The following DLAT variants were observed in gnomAD, a reference collection of about 807,000 sequenced individuals.
DLAT encodes the protein dihydrolipoamide S-acetyltransferase, also known as dihydrolipoyllysine-residue acetyltransferase component of pyruvate dehydrogenase complex, mitochondrial.
Under a neutral mutation model 68.0 loss-of-function variants are expected in DLAT, and 43 were observed. That is an observed-to-expected ratio of 0.63 (90% CI 0.50 to 0.81). DLAT has a LOEUF of 0.81. DLAT is among the 40% of genes least tolerant of loss of function. The probability of loss-of-function intolerance (pLI) is 0.00; values close to 1 mark genes in which losing one functional copy is unlikely to be tolerated. For missense variants in DLAT, 745 were observed against 815.4 expected (o/e 0.91, Z 1.05); for synonymous variants, 265 against 288.6 (o/e 0.92, Z 0.83).
At chr11:112,054,198 C>T (rs145641782) in intron 11 of DLAT, among the ~76,000 whole-genome samples, 2,494 of 151,836 alleles carry the variant, frequency 0.016, 29 homozygotes, top group Non-Finnish European at 0.023. Context: ...CGCCTGTAGT[C>T]CCAGCTAATC....
At chr11:112,045,517 G>A (rs1175908002) in intron 9 of DLAT, among the ~76,000 whole-genome samples, 2 of 151,920 alleles carry the variant, frequency 1.3e-5, no homozygotes, top group African/African-American at 2.4e-5. Context: ...GAAACACCCC[G>A]TCTCTACTAA....
chr11:112,033,333 T>G, intron 4 of DLAT, 71 bp from the exon 5 acceptor site: 2 of 1,572,536 alleles, frequency 1.3e-6, no homozygotes, highest in Non-Finnish European at 1.7e-6. Context: ...TGAAACCACA[T>G]AAGTCTGCCA....
chr11:112,042,197 CT>C (rs1863085952), intron 7 of DLAT, among the ~76,000 whole-genome samples: 1 of 152,160 alleles, frequency 6.6e-6, no homozygotes, highest in South Asian at 2.1e-4. Context: ...TACCATATTG[CT>C]TTATGATGGC....
At chr11:112,057,635 T>C (rs1864179940) in intron 11 of DLAT, among the ~76,000 whole-genome samples, 1 of 152,198 alleles carries the variant, frequency 6.6e-6, no homozygotes, top group African/African-American at 2.4e-5. Flanking sequence ...TTCAATTCTT[T>C]GAAGGCTGAT....
rs781857856 is a variant in DLAT, at chr11:112,063,267, A to C, written c.*732A>C. ...ACAAATGTGTAATTTTGAGTACAGA[A>C]TTCAACAGTTACCTCCAAAAAAGAA... On this transcript the variant is annotated 3_prime_UTR_variant, in exon 14 of 14. Coordinates refer to ENST00000280346, the MANE Select transcript of DLAT (RefSeq NM_001931.5). The C allele has an allele frequency of 6.6e-6, 1 of 152,188 alleles. No homozygotes were observed. The highest frequency in any genetic ancestry group is 1.5e-5 in the Non-Finnish European group (1 of 68,020). 9.4% of individuals were successfully genotyped at this position (152,188 alleles called of 1,614,324 possible).
chr11:112,035,949 C>T (rs1477143648), intron 5 of DLAT, among the ~76,000 whole-genome samples: 2 of 29,370 alleles, frequency 6.8e-5, no homozygotes, highest in African/African-American at 1.3e-4. Context: ...TGCCACCATG[C>T]CTGGCTAATT....
In DLAT at chr11:112,063,990, G is replaced by T; in HGVS notation, c.*1455G>T. 5 of 501,086 alleles carry T rather than the reference G, an allele frequency of 1.0e-5. No homozygotes were observed. The highest frequency in any genetic ancestry group is 1.7e-5 in the Non-Finnish European group (5 of 295,060). 31.0% of individuals were successfully genotyped at this position (501,086 alleles called of 1,614,324 possible). ...TGTTTCTAAATATTCATTATTACAT[G>T]GTACACAAGTGACACTCCATATATT... On this transcript the variant is annotated 3_prime_UTR_variant, in exon 14 of 14. Transcript: ENST00000280346.
chr11:112,057,917 G>T (rs1864198772), intron 11 of DLAT, among the ~76,000 whole-genome samples: 1 of 152,144 alleles, frequency 6.6e-6, no homozygotes, highest in East Asian at 1.9e-4. Context: ...GTATACATTG[G>T]TTTTTTGTTA....
At chr11:112,043,444 G>A in intron 7 of DLAT, 22 bp from the exon 8 acceptor site, 8 of 1,607,796 alleles carry the variant, frequency 5.0e-6, no homozygotes, top group African/African-American at 1.3e-5. Context: ...CATCATGTAT[G>A]TGATATTTAT....
At chr11:112,033,732 T>G (rs1555180155) in intron 5 of DLAT, among the ~76,000 whole-genome samples, 3 of 152,254 alleles carry the variant, frequency 2.0e-5, no homozygotes, top group African/African-American at 7.2e-5. Flanking sequence ...ATTTGCTTAT[T>G]TTTCAGACAG....
rs116892694 is a variant in DLAT at position 112,045,835 on chromosome 11, T to C, written c.1291-28T>C. 8.3e-3 allele frequency: 12,118 copies of C among 1,456,566 alleles called. 65 individuals are homozygous for C. Among genetic ancestry groups the C allele is most frequent in the Middle Eastern group, 0.025 (143 of 5,730 alleles). The allele number at this position is 1,456,566 out of a possible 1,614,324, so 90.2% of individuals were successfully genotyped here. A position where few individuals can be genotyped will look rare whatever the true frequency, so the allele number is the denominator to read the frequency against. On this transcript the variant is annotated intron_variant, in intron 9 of 13. Coordinates refer to ENST00000280346, the MANE Select transcript of DLAT (RefSeq NM_001931.5). ...TAGTTAAGGTCTTAACTCAAGATAATTGATTTTTTAAATCTCTTTGGTTTC... is the reference window on the plus strand; with the variant it reads ...TAGTTAAGGTCTTAACTCAAGATAACTGATTTTTTAAATCTCTTTGGTTTC...
intron 4 of DLAT, among the ~76,000 whole-genome samples, chr11:112,032,264 T>C (rs587623135): frequency 1.4e-5 from 2 of 147,440 alleles, no homozygotes; most frequent in South Asian, 4.2e-4. Flanking sequence ...AGACTCCATC[T>C]CAAAAAAAAA....
At chr11:112,047,576 TC>T (rs782119813) in intron 10 of DLAT, among the ~76,000 whole-genome samples, 8 of 152,232 alleles carry the variant, frequency 5.3e-5, no homozygotes, top group Non-Finnish European at 7.3e-5. Flanking sequence ...TAGGTTTTCT[TC>T]TAGGGTTTTT....
rs369129259 is a variant in DLAT, at chr11:112,025,591, C to T, written c.119C>T (p.Pro40Leu). The change falls in exon 1 of 14, where the codon CCG (proline) becomes CTG (leucine). Residue 40 changes from proline to leucine, a missense_variant. Physicochemically the swap from Pro to Leu is moderately conservative, Grantham distance 98. Transcript: ENST00000280346. ...GTPRVTSRSG[P>L]APARRNSVTT... ...CCACGAGTGACCTCGCGATCTGGCC[C>T]GGCTCCCGCTCGTCGCAACAGCGTG... 6.2e-6 allele frequency: 10 copies of T among 1,613,808 alleles called. No homozygotes were observed. In the African/African-American group the frequency reaches 6.7e-5, roughly 11 times the overall value.
chr11:112,039,178 CT>C, intron 6 of DLAT, 65 bp from the exon 7 acceptor site: 1 of 1,491,720 alleles, frequency 6.7e-7, no homozygotes, highest in Non-Finnish European at 9.3e-7. Flanking sequence ...AAGATGTAAA[CT>C]TTTAATCTTT....
At chr11:112,039,853 C>T (rs1226618642) in intron 7 of DLAT, among the ~76,000 whole-genome samples, 5 of 152,152 alleles carry the variant, frequency 3.3e-5, no homozygotes, top group South Asian at 2.1e-4. Context: ...GGGAAAACGC[C>T]TTACTTGTCT....
intron 7 of DLAT, among the ~76,000 whole-genome samples, chr11:112,040,902 G>C (rs939023885): frequency 6.6e-6 from 1 of 151,174 alleles, no homozygotes; most frequent in Non-Finnish European, 1.5e-5. Context: ...AAATCCCTTA[G>C]GTATGAGCTG....
Position 112,063,328 on chromosome 11 carries a change from T to A in DLAT, c.*793T>A, listed in dbSNP as rs1008072748. 2.0e-5 allele frequency: 3 copies of A among 152,308 alleles called. No individual in the cohort carries two copies. The highest frequency in any genetic ancestry group is 1.3e-4 in the Admixed American group (2 of 15,284). The allele number at this position is 152,308 out of a possible 1,614,324, so 9.4% of individuals were successfully genotyped here. ...TATAATTTAACAGAAGTTGTGAAAC[T>A]AAAATTTTCTAAGATTAACTGGTAG... On this transcript the variant is annotated 3_prime_UTR_variant, in exon 14 of 14. Coordinates refer to ENST00000280346, the MANE Select transcript of DLAT (RefSeq NM_001931.5).
chr11:112,033,478 G>A lies in DLAT; in HGVS notation c.735G>A (p.Lys245=), dbSNP rs782711031. The A allele has an allele frequency of 8.7e-6, 14 of 1,613,954 alleles. No individual in the cohort carries two copies. In the East Asian group the frequency reaches 1.3e-4, roughly 15 times the overall value. ...GATGGGAAAAAAAAGTGGGTGAGAA[G>A]CTAAGTGAAGGAGACTTACTGGCAG... is the stretch of plus-strand genomic sequence containing the variant. ...VQRWEKKVGE[K]LSEGDLLAEI... Residue 245 remains lysine (K), a synonymous_variant, in exon 5 of 14, where the codon AAG becomes AAA. Transcript: ENST00000280346.
Sources: gnomAD v4.1 joint callset for allele counts (sites outside exome capture counted in the v4.1 genomes callset) on GRCh38, gnomAD v4.1.1 for gene constraint, MANE v1.5 for transcripts, NCBI Gene and HGNC (gene_info 2026-07-23, HGNC 2026-07-21) for gene names.